SMYD3: variants seen among roughly 807,000 people sequenced by gnomAD.
The protein encoded by SMYD3 is SET and MYND domain containing 3.
A neutral mutation model predicts 57.7 loss-of-function variants in SMYD3; 36 were observed. The ratio of observed to expected loss-of-function variants is 0.62; its 90% confidence interval spans 0.48 to 0.82. SMYD3 has a LOEUF of 0.82. SMYD3 is among the 40% of genes least tolerant of loss of function. The pLI, the probability that SMYD3 is intolerant of heterozygous loss-of-function variation, is 0.00. For synonymous variants in SMYD3, 211 were observed against 195.0 expected, an observed-to-expected ratio of 1.08 and a Z score of -0.68; for missense variants, 515 against 538.8, an observed-to-expected ratio of 0.96 and a Z score of 0.44.
intron 5 of SMYD3, among the ~76,000 whole-genome samples, chr1:246,114,777 G>A (rs909505574): frequency 1.3e-4 from 20 of 152,040 alleles, no homozygotes; most frequent in Admixed American, 1.1e-3. Flanking sequence ...GATTACAGGC[G>A]CCCGCCACCA....
At chr1:246,065,842 AG>A (rs1378628011) in intron 5 of SMYD3, among the ~76,000 whole-genome samples, 7 of 152,182 alleles carry the variant, frequency 4.6e-5, no homozygotes, top group African/African-American at 1.7e-4. Flanking sequence ...AGAAAGGCAA[AG>A]TCCTTGCTGT....
chr1:246,186,659 A>G, intron 5 of SMYD3: 1 of 747,854 alleles, frequency 1.3e-6, no homozygotes. Context: ...CAAAACTAAG[A>G]GACAATGAAA....
At chr1:245,959,144 CAAA>C (rs66737503) in intron 5 of SMYD3, among the ~76,000 whole-genome samples, 14,149 of 151,996 alleles carry the variant, frequency 0.093, 779 homozygotes, top group South Asian at 0.22. Flanking sequence ...AACAAACAAA[CAAA>C]AAACAAACAA....
chr1:246,204,005 G>GT (rs1213416054), intron 5 of SMYD3, among the ~76,000 whole-genome samples: 1 of 152,172 alleles, frequency 6.6e-6, no homozygotes, highest in Non-Finnish European at 1.5e-5. Flanking sequence ...GAGAGTACCA[G>GT]TGCCTGCTAA....
At chr1:245,856,787 A>G (rs1017483016) in intron 10 of SMYD3, among the ~76,000 whole-genome samples, 3 of 152,208 alleles carry the variant, frequency 2.0e-5, no homozygotes, top group Non-Finnish European at 4.4e-5. Context: ...GAATCAGTGC[A>G]GCGCTAGCCA....
At chr1:246,360,662 G>T (rs6684242) in intron 1 of SMYD3, among the ~76,000 whole-genome samples, 3 of 152,116 alleles carry the variant, frequency 2.0e-5, no homozygotes, top group Non-Finnish European at 4.4e-5. Context: ...ACAGCTAACT[G>T]ATCTTCAACA....
chr1:246,459,323 A>T (rs990069532), intron 1 of SMYD3, among the ~76,000 whole-genome samples: 1 of 142,472 alleles, frequency 7.0e-6, no homozygotes, highest in African/African-American at 2.7e-5. Flanking sequence ...TTCTCATGAT[A>T]GAGTTCTCGC....
chr1:245,887,224 T>C (rs1296345848), intron 8 of SMYD3, among the ~76,000 whole-genome samples: 1 of 152,128 alleles, frequency 6.6e-6, no homozygotes, highest in Non-Finnish European at 1.5e-5. Flanking sequence ...GAGATGGCCA[T>C]GAGAGTGACC....
intron 5 of SMYD3, among the ~76,000 whole-genome samples, chr1:246,153,689 C>T (rs2061978355): frequency 6.6e-6 from 1 of 152,094 alleles, no homozygotes; most frequent in Non-Finnish European, 1.5e-5. Context: ...CCAAGCTGGT[C>T]TCAAACTCCT....
chr1:246,041,286 G>A (rs910088345), intron 5 of SMYD3, among the ~76,000 whole-genome samples: 5 of 152,086 alleles, frequency 3.3e-5, no homozygotes, highest in African/African-American at 9.7e-5. Context: ...AGCAACACAC[G>A]CTGGACCCAC....
chr1:246,167,548 T>A (rs2062239830), intron 5 of SMYD3, among the ~76,000 whole-genome samples: 1 of 150,976 alleles, frequency 6.6e-6, no homozygotes, highest in African/African-American at 2.4e-5. Flanking sequence ...TCTCGCTCTG[T>A]GGCCCAGGCT....
chr1:246,379,889 A>G (rs372948304), intron 1 of SMYD3, among the ~76,000 whole-genome samples: 31 of 151,940 alleles, frequency 2.0e-4, no homozygotes, highest in African/African-American at 7.2e-4. Flanking sequence ...AATCCCAGCT[A>G]CTCAAGAGGC....
At chr1:245,936,735 A>G (rs1224594937) in intron 5 of SMYD3, among the ~76,000 whole-genome samples, 2 of 141,282 alleles carry the variant, frequency 1.4e-5, no homozygotes, top group Admixed American at 1.5e-4. Flanking sequence ...CCACTATAAA[A>G]AATACAAAAA....
chr1:246,386,861 C>G (rs1489803814), intron 1 of SMYD3, among the ~76,000 whole-genome samples: 1 of 151,510 alleles, frequency 6.6e-6, no homozygotes, highest in Non-Finnish European at 1.5e-5. Context: ...GTTATACAAT[C>G]CTATGTTATA....
chr1:246,243,808 T>G (rs2063656535), intron 5 of SMYD3, among the ~76,000 whole-genome samples: 1 of 152,066 alleles, frequency 6.6e-6, no homozygotes, highest in South Asian at 2.1e-4. Context: ...TCTTACTTGA[T>G]GGACTAAGAA....
At chr1:246,456,083 C>G (rs560550143) in intron 1 of SMYD3, among the ~76,000 whole-genome samples, 24 of 151,688 alleles carry the variant, frequency 1.6e-4, no homozygotes, top group Non-Finnish European at 3.1e-4. Context: ...TCTTTGCTGG[C>G]CACCTCCTTG....
In SMYD3 at chr1:246,354,655, T is replaced by G. The variant is rs1184960907; in HGVS notation, c.228+376A>C. 1.2e-4 allele frequency among the ~76,000 whole-genome samples: 18 copies of G among 152,290 alleles called. No individual in the cohort carries two copies. The East Asian group carries it at 3.3e-3, about 28-fold the overall frequency. ...CATGCCAGATTAAACTATATCTTTT[T>G]TTTTTTAAACATAGGATGTAGATAC... On this transcript the variant is annotated intron_variant, in intron 2 of 11. Coordinates refer to ENST00000490107, the MANE Select transcript of SMYD3 (RefSeq NM_001167740.2).
At chr1:246,454,339 G>C (rs916861186) in intron 1 of SMYD3, among the ~76,000 whole-genome samples, 3 of 152,064 alleles carry the variant, frequency 2.0e-5, no homozygotes, top group African/African-American at 7.2e-5. Flanking sequence ...TAAAATGTGA[G>C]GTATGATTCC....
chr1:246,134,074 G>A (rs1470571562), intron 5 of SMYD3, among the ~76,000 whole-genome samples: 1 of 152,148 alleles, frequency 6.6e-6, no homozygotes, highest in East Asian at 1.9e-4. Context: ...CTTCAGATAA[G>A]ATGACATTTT....
Sources: gnomAD v4.1 joint callset for allele counts (sites outside exome capture counted in the v4.1 genomes callset) on GRCh38, gnomAD v4.1.1 for gene constraint, MANE v1.5 for transcripts, NCBI Gene and HGNC (gene_info 2026-07-23, HGNC 2026-07-21) for gene names.